DIP2C: variants seen among roughly 807,000 people sequenced by gnomAD.
DIP2C encodes the protein DIP2 acetate--CoA ligase C (putative), also known as disco-interacting protein 2 homolog C.
In DIP2C, 33 loss-of-function variants were observed where a neutral mutation model predicts 192.4. The ratio of observed to expected loss-of-function variants is 0.17; its 90% CI spans 0.13 to 0.23. DIP2C has a LOEUF of 0.23. Among genes scored for constraint, DIP2C ranks in the 10% least tolerant of loss-of-function variants. The probability of loss-of-function intolerance (pLI) is 1.00; values close to 1 mark genes in which losing one functional copy is unlikely to be tolerated. For synonymous variants in DIP2C, 979 were observed against 864.1 expected (o/e 1.13, Z -2.33); for missense variants, 1,537 against 2,110.1 (o/e 0.73, Z 5.32).
At chr10:290,481 G>A (rs1021913029) in intron 32 of DIP2C, among the ~76,000 whole-genome samples, 1 of 152,228 alleles carries the variant, frequency 6.6e-6, no homozygotes, top group Non-Finnish European at 1.5e-5. Context: ...GCCAGAGGTG[G>A]CATGCACATA....
At chr10:477,762 AAG>A (rs1171673729) in intron 2 of DIP2C, among the ~76,000 whole-genome samples, 2 of 100,038 alleles carry the variant, frequency 2.0e-5, no homozygotes, top group Non-Finnish European at 4.5e-5. Context: ...AAGGAGAGAG[AAG>A]AAAAAGGAAA....
chr10:381,741 C>A (rs542412912), intron 17 of DIP2C, among the ~76,000 whole-genome samples: 116 of 152,324 alleles, frequency 7.6e-4, no homozygotes, highest in Non-Finnish European at 1.5e-3. Flanking sequence ...TCTGGGAAGC[C>A]TGTTGCAAGC....
chr10:351,072 A>G (rs1227274640), intron 24 of DIP2C, among the ~76,000 whole-genome samples: 1 of 152,144 alleles, frequency 6.6e-6, no homozygotes. Flanking sequence ...CAGAGTGCAC[A>G]GCGAGCCCGA....
At chr10:475,571 C>T (rs754193000) in intron 2 of DIP2C, among the ~76,000 whole-genome samples, 20 of 152,158 alleles carry the variant, frequency 1.3e-4, no homozygotes, top group Non-Finnish European at 2.6e-4. Flanking sequence ...CATGTCTGAT[C>T]TCAGAAAGCT....
At position 636,901 on chromosome 10, in the gene DIP2C, C is replaced by T. The variant is rs1173596592; in HGVS notation, c.85+52593G>A. Among the ~76,000 whole-genome samples, 3 of 152,226 alleles carry T rather than the reference C, an allele frequency of 2.0e-5. No homozygotes were observed. The highest frequency in any genetic ancestry group is 6.5e-5 in the Admixed American group (1 of 15,290). ...GCTTCCCGGTGAGGCTGCTGGTTCA[C>T]GAGGGGCGGGAGCTCCTAGTCCTGC... is the stretch of plus-strand genomic sequence containing the variant. On this transcript the variant is annotated intron_variant, in intron 1 of 36. Transcript: ENST00000280886. The surrounding 1 kb of genome is among the most constrained non-coding windows in gnomAD (Gnocchi z 4.6).
At chr10:534,594 A>T (rs1847589338) in intron 1 of DIP2C, among the ~76,000 whole-genome samples, 1 of 152,078 alleles carries the variant, frequency 6.6e-6, no homozygotes, top group South Asian at 2.1e-4. Flanking sequence ...GAACCCTGTT[A>T]TTCAGGAAAC....
Position 382,729 on chromosome 10 carries a change from C to T in DIP2C, c.1909G>A (p.Val637Ile), listed in dbSNP as rs761081767. 12 of 1,613,520 alleles carry T rather than the reference C, an allele frequency of 7.4e-6. 1 individual carries two copies. The South Asian group carries it at 1.3e-4, about 18-fold the overall frequency. Reference protein sequence around the residue: ...SISSCDAFLNVFQSKGLRQEV... With the variant: ...SISSCDAFLNIFQSKGLRQEV... ...TGTCGAAGGCCTTTACTTTGGAAGA[C>T]ATTGAGAAATGCATCGCAAGAAGAA... Residue 637 changes from valine (V) to isoleucine (I), a missense_variant, in exon 17 of 37, where the codon GTC (valine) becomes ATC (isoleucine). Transcript: ENST00000280886.
chr10:432,971 T>C (rs1966888891), intron 4 of DIP2C, among the ~76,000 whole-genome samples: 1 of 152,240 alleles, frequency 6.6e-6, no homozygotes, highest in South Asian at 2.1e-4. Flanking sequence ...TTCATTGTGG[T>C]TGAGAACATA....
At chr10:611,582 C>T (rs1430375289) in intron 1 of DIP2C, among the ~76,000 whole-genome samples, 1 of 152,218 alleles carries the variant, frequency 6.6e-6, no homozygotes. Context: ...AGCCTCCCAC[C>T]AGGGCCTCTT....
chr10:357,480 G>C (rs75419390), intron 23 of DIP2C, among the ~76,000 whole-genome samples: 1 of 152,204 alleles, frequency 6.6e-6, no homozygotes, highest in Non-Finnish European at 1.5e-5. Flanking sequence ...TCGGTCCTGC[G>C]AGTCGTGGGA....
chr10:345,270 T>G, intron 26 of DIP2C, 160 bp from the exon 27 acceptor site: 2 of 768,144 alleles, frequency 2.6e-6, no homozygotes, highest in East Asian at 5.4e-5. Flanking sequence ...AGGACAGAGC[T>G]AGGAGTCTAG....
intron 1 of DIP2C, among the ~76,000 whole-genome samples, chr10:546,206 C>T (rs537106081): frequency 2.9e-4 from 43 of 150,042 alleles, no homozygotes; most frequent in Middle Eastern, 3.4e-3. Flanking sequence ...CACTTGAACC[C>T]GGGAAGCAGA....
At chr10:554,278 A>C (rs927275734) in intron 1 of DIP2C, among the ~76,000 whole-genome samples, 1 of 152,236 alleles carries the variant, frequency 6.6e-6, no homozygotes, top group East Asian at 1.9e-4. Flanking sequence ...TGTAACTGTA[A>C]GAGTGGTGAA....
Position 644,958 on chromosome 10 carries a change from A to G in DIP2C, c.85+44536T>C, listed in dbSNP as rs143187494. On this transcript the variant is annotated intron_variant, in intron 1 of 36. Coordinates refer to ENST00000280886, the MANE Select transcript of DIP2C (RefSeq NM_014974.3). The stretch of plus-strand genomic sequence containing the variant: ...AGTGAAGATGGATGAGATGGGGAGG[A>G]CTGTGAGGAAGGTGAGAAAGGGACT... Among the ~76,000 whole-genome samples the G allele has an allele frequency of 3.2e-3, 480 of 152,332 alleles. 3 individuals are homozygous for G. The highest frequency in any genetic ancestry group is 0.011 in the African/African-American group (450 of 41,578).
At chr10:494,421 AG>A (rs545577327) in intron 1 of DIP2C, among the ~76,000 whole-genome samples, 65 of 152,304 alleles carry the variant, frequency 4.3e-4, no homozygotes, top group Middle Eastern at 6.8e-3. Context: ...TTCCTATTTT[AG>A]AAGCACACAC....
At chr10:530,996 T>C (rs1291099102) in intron 1 of DIP2C, among the ~76,000 whole-genome samples, 1 of 152,128 alleles carries the variant, frequency 6.6e-6, no homozygotes, top group Non-Finnish European at 1.5e-5. Flanking sequence ...CAGCCCCGAC[T>C]GGACAGAAGG....
chr10:573,765 TA>T (rs887022859), intron 1 of DIP2C, among the ~76,000 whole-genome samples: 227 of 151,164 alleles, frequency 1.5e-3, no homozygotes, highest in Non-Finnish European at 2.1e-3. Flanking sequence ...TGTAGGTACT[TA>T]AAAAAAAAGA....
In DIP2C at chr10:652,705, G is replaced by A. The variant is rs3750731; in HGVS notation, c.85+36789C>T. 0.077 allele frequency: 11,703 copies of A among 152,246 alleles called. 752 individuals are homozygous for A. Among genetic ancestry groups the A allele is most frequent in the African/African-American group, 0.17 (6,991 of 41,406 alleles). The allele number at this position is 152,246 out of a possible 1,614,324, so 9.4% of individuals were successfully genotyped here. ...TCCCAAGCCTCCCATCCCACTTCCC[G>A]GTGCTGACCCCATGAGAACACTTTG... On this transcript the variant is annotated intron_variant, in intron 1 of 36. Coordinates refer to ENST00000280886, the MANE Select transcript of DIP2C (RefSeq NM_014974.3). This position sits in a 1 kb window ranked among gnomAD's most constrained non-coding sequence, Gnocchi z 4.5.
At chr10:649,549 A>T (rs1170588012) in intron 1 of DIP2C, among the ~76,000 whole-genome samples, 1 of 152,274 alleles carries the variant, frequency 6.6e-6, no homozygotes, top group East Asian at 1.9e-4. Context: ...TCCTTAAAGC[A>T]AAACAACAGA....
Sources: gnomAD v4.1 joint callset for allele counts (sites outside exome capture counted in the v4.1 genomes callset) on GRCh38, gnomAD v4.1.1 for gene constraint, Gnocchi (gnomAD v3.1) non-coding constraint, MANE v1.5 for transcripts, NCBI Gene and HGNC (gene_info 2026-07-23, HGNC 2026-07-21) for gene names.